The following CRY1 variants were observed in gnomAD, a reference collection of about 807,000 sequenced individuals.
CRY1 encodes cryptochrome circadian regulator 1.
In CRY1, 45 loss-of-function variants were observed where a neutral mutation model predicts 76.0. The observed-to-expected ratio is 0.59, with a 90% CI of 0.47 to 0.76. CRY1 has a LOEUF of 0.76. Ranked by LOEUF, CRY1 falls within the 30% of genes least tolerant of loss-of-function variation. The probability of loss-of-function intolerance (pLI) is 0.00; values close to 1 mark genes in which losing one functional copy is unlikely to be tolerated. For missense variants in CRY1, 587 were observed against 716.4 expected, an observed-to-expected ratio of 0.82 and a Z score of 2.06; for synonymous variants, 248 against 244.0, an observed-to-expected ratio of 1.02 and a Z score of -0.15.
intron 2 of CRY1, among the ~76,000 whole-genome samples, chr12:107,011,274 C>T (rs996352641): frequency 5.9e-5 from 9 of 151,672 alleles, no homozygotes; most frequent in South Asian, 2.1e-4. Flanking sequence ...CGTTTGAACC[C>T]GGAAAGCGGA....
chr12:107,077,054 G>C (rs1468611554), intron 1 of CRY1, among the ~76,000 whole-genome samples: 2 of 151,974 alleles, frequency 1.3e-5, no homozygotes, highest in Non-Finnish European at 1.5e-5. Flanking sequence ...CTCAGTCTCA[G>C]GTATTTCCTT....
chr12:107,062,115 T>C (rs1258251441), intron 1 of CRY1, among the ~76,000 whole-genome samples: 1 of 150,920 alleles, frequency 6.6e-6, no homozygotes, highest in East Asian at 1.9e-4. Flanking sequence ...AAAAATCCTA[T>C]TTTGGCTCTA....
chr12:107,053,482 A>C (rs974777030), intron 1 of CRY1, among the ~76,000 whole-genome samples: 6 of 152,034 alleles, frequency 3.9e-5, no homozygotes, highest in African/African-American at 1.4e-4. Flanking sequence ...ACACCCGACA[A>C]ATTTTTTGTA....
At chr12:107,032,308 G>A (rs1192041642) in intron 1 of CRY1, among the ~76,000 whole-genome samples, 1 of 152,190 alleles carries the variant, frequency 6.6e-6, no homozygotes, top group Non-Finnish European at 1.5e-5. Flanking sequence ...ACAGGATACA[G>A]AGCATACAGG....
intron 1 of CRY1, among the ~76,000 whole-genome samples, chr12:107,026,127 A>G (rs1329511132): frequency 2.7e-5 from 1 of 36,576 alleles, no homozygotes; most frequent in Non-Finnish European, 5.6e-5. Context: ...TATATTATAT[A>G]TAATTACATA....
intron 1 of CRY1, among the ~76,000 whole-genome samples, chr12:107,055,679 T>A (rs1282703960): frequency 1.3e-5 from 2 of 152,014 alleles, no homozygotes; most frequent in African/African-American, 2.4e-5. Context: ...ATGAAATGTA[T>A]CAGGACAAAA....
chr12:107,067,505 A>C (rs1322430580), intron 1 of CRY1, among the ~76,000 whole-genome samples: 1 of 152,162 alleles, frequency 6.6e-6, no homozygotes, highest in Non-Finnish European at 1.5e-5. Flanking sequence ...TAAAGTTCCC[A>C]ATCTTTTCTT....
At chr12:107,068,153 A>G (rs998887417) in intron 1 of CRY1, among the ~76,000 whole-genome samples, 20 of 152,192 alleles carry the variant, frequency 1.3e-4, no homozygotes, top group Non-Finnish European at 2.4e-4. Context: ...AGAGGTGGGT[A>G]GCTGAGAGAG....
At chr12:107,054,944 A>G (rs998704999) in intron 1 of CRY1, among the ~76,000 whole-genome samples, 11 of 152,140 alleles carry the variant, frequency 7.2e-5, no homozygotes, top group Admixed American at 4.6e-4. Context: ...AGACAGATCT[A>G]TGATTAAACT....
chr12:107,000,685 C>T (rs1472014377), intron 5 of CRY1, among the ~76,000 whole-genome samples: 1 of 148,864 alleles, frequency 6.7e-6, no homozygotes, highest in African/African-American at 2.5e-5. Context: ...AGTCTCACTC[C>T]ATCACCCAGG....
intron 2 of CRY1, among the ~76,000 whole-genome samples, chr12:107,009,562 ACATATAT>A (rs1365282529): frequency 7.6e-5 from 4 of 52,972 alleles, no homozygotes; most frequent in Admixed American, 2.4e-4. Flanking sequence ...AAACAAAAAA[ACATATAT>A]ATATATATAT....
chr12:107,013,974 CT>C (rs1263339035), intron 2 of CRY1, among the ~76,000 whole-genome samples: 2 of 152,086 alleles, frequency 1.3e-5, no homozygotes, highest in Admixed American at 1.3e-4. Context: ...TGGTACTGCT[CT>C]AAGGTGTTCA....
intron 2 of CRY1, among the ~76,000 whole-genome samples, chr12:107,011,608 G>A (rs1421299954): frequency 6.6e-6 from 1 of 152,174 alleles, no homozygotes; most frequent in African/African-American, 2.4e-5. Flanking sequence ...CCAGAGAGAG[G>A]CCCTAACACT....
intron 2 of CRY1, among the ~76,000 whole-genome samples, chr12:107,021,880 G>C (rs183629381): frequency 1.5e-3 from 233 of 152,040 alleles, no homozygotes; most frequent in Non-Finnish European, 2.9e-3. Flanking sequence ...AAGAAAGATT[G>C]AACTTTTCAT....
Position 107,092,916 on chromosome 12 carries a change from G to A in CRY1, c.46C>T (p.His16Tyr). The A allele has an allele frequency of 6.2e-7, 1 of 1,605,108 alleles. No individual in the cohort carries two copies. Among genetic ancestry groups the A allele is most frequent in the Non-Finnish European group, 8.5e-7 (1 of 1,176,724 alleles). The change falls in exon 1 of 13, where the codon CAC becomes TAC. Residue 16 changes from histidine to tyrosine, a missense_variant. Transcript: ENST00000008527. ...VHWFRKGLRL[H>Y]DNPALKECIQ... ...CACTCCTTCAGGGCGGGGTTGTCGT[G>A]GAGCCGGAGCCCCTTTCGGAACCAG... is the stretch of plus-strand genomic sequence containing the variant.
chr12:107,029,101 G>A (rs914944489), intron 1 of CRY1, among the ~76,000 whole-genome samples: 18 of 152,048 alleles, frequency 1.2e-4, no homozygotes, highest in African/African-American at 3.9e-4. Context: ...ACAGGGTCTC[G>A]TTATGTTGCC....
chr12:107,058,688 T>C (rs931450753), intron 1 of CRY1, among the ~76,000 whole-genome samples: 75 of 152,356 alleles, frequency 4.9e-4, no homozygotes, highest in African/African-American at 1.5e-3. Context: ...ATGACAATAG[T>C]ATATGGCAAA....
intron 10 of CRY1, among the ~76,000 whole-genome samples, chr12:106,993,779 G>GTTGTT (rs1429618857): frequency 2.6e-5 from 4 of 152,036 alleles, no homozygotes; most frequent in African/African-American, 9.7e-5. Context: ...CTATCCCATA[G>GTTGTT]TTGTTTTAAT....
intron 1 of CRY1, among the ~76,000 whole-genome samples, chr12:107,067,502 C>T (rs1953127556): frequency 6.6e-6 from 1 of 152,000 alleles, no homozygotes; most frequent in South Asian, 2.1e-4. Flanking sequence ...ATCTAAAGTT[C>T]CCAATCTTTT....
Sources: allele counts gnomAD v4.1 joint callset (sites outside exome capture counted in the v4.1 genomes callset), GRCh38; gene constraint gnomAD v4.1.1; transcripts MANE v1.5; gene names NCBI Gene and HGNC (gene_info 2026-07-23, HGNC 2026-07-21).